ARID4A: variants seen among roughly 807,000 people sequenced by gnomAD.
The protein encoded by ARID4A is AT-rich interactive domain-containing protein 4A.
A neutral mutation model predicts 148.6 loss-of-function variants in ARID4A; 39 were observed. That is an observed-to-expected ratio of 0.26 (90% CI 0.20 to 0.34). The LOEUF (loss-of-function observed/expected upper bound fraction) is 0.34. Among genes scored for constraint, ARID4A ranks in the 10% least tolerant of loss-of-function variants. The pLI is 1.00. For synonymous variants in ARID4A, 475 were observed against 481.2 expected, an observed-to-expected ratio of 0.99 and a Z score of 0.17; for missense variants, 1,265 against 1,449.1, an observed-to-expected ratio of 0.87 and a Z score of 2.06.
chr14:58,338,188 C>T (rs118034159), intron 11 of ARID4A, among the ~76,000 whole-genome samples: 2,488 of 152,112 alleles, frequency 0.016, 31 homozygotes, highest in Middle Eastern at 0.027. Flanking sequence ...TTTAAAAATT[C>T]AACAGATGTC....
At chr14:58,301,300 A>G (rs1284610703) in intron 2 of ARID4A, among the ~76,000 whole-genome samples, 2 of 151,518 alleles carry the variant, frequency 1.3e-5, no homozygotes, top group African/African-American at 4.9e-5. Flanking sequence ...TGCTTATATA[A>G]TAGTAGAATT....
intron 11 of ARID4A, among the ~76,000 whole-genome samples, chr14:58,332,078 A>C (rs1437923673): frequency 6.7e-6 from 1 of 149,788 alleles, no homozygotes; most frequent in Non-Finnish European, 1.5e-5. Context: ...GGAGATTATA[A>C]AATAGTAAAT....
intron 23 of ARID4A, among the ~76,000 whole-genome samples, chr14:58,369,487 A>C (rs756821259): frequency 6.6e-6 from 1 of 151,936 alleles, no homozygotes; most frequent in Non-Finnish European, 1.5e-5. Flanking sequence ...TCAGCTGCGC[A>C]TGGTGGCAGA....
intron 19 of ARID4A, among the ~76,000 whole-genome samples, chr14:58,361,450 GTC>G (rs1308466764): frequency 2.0e-5 from 3 of 152,176 alleles, no homozygotes; most frequent in African/African-American, 7.2e-5. Context: ...CATGTGAACA[GTC>G]TGTGATTGTT....
chr14:58,360,165 A>G (rs2140260912), intron 18 of ARID4A, among the ~76,000 whole-genome samples: 1 of 152,330 alleles, frequency 6.6e-6, no homozygotes, highest in Middle Eastern at 3.4e-3. Context: ...TGTTTCAGCA[A>G]AGGTGAAAAC....
chr14:58,299,764 T>C lies in ARID4A; in HGVS notation c.-57-34T>C, dbSNP rs917705608. 6.3e-6 allele frequency: 10 copies of C among 1,577,282 alleles called. No individual in the cohort carries two copies. The African/African-American group carries it at 9.4e-5, about 15-fold the overall frequency. ...TTGGTCGCTCCCCGCAGTTGACTGATTATGTCTGTGCCTGTCTTTCCCCCT... is the reference window on the plus strand; with the variant it reads ...TTGGTCGCTCCCCGCAGTTGACTGACTATGTCTGTGCCTGTCTTTCCCCCT... On this transcript the variant is annotated intron_variant, in intron 1 of 23. Transcript: ENST00000355431.
At chr14:58,366,367 A>G in intron 22 of ARID4A, 137 bp downstream of exon 22, 1 of 709,780 alleles carries the variant, frequency 1.4e-6, no homozygotes, top group Non-Finnish European at 2.3e-6. Flanking sequence ...CCTTAGCAAG[A>G]ATCACCACAT....
chr14:58,366,496 C>T (rs1168406680), intron 22 of ARID4A, among the ~76,000 whole-genome samples: 1 of 152,006 alleles, frequency 6.6e-6, no homozygotes, highest in Non-Finnish European at 1.5e-5. Flanking sequence ...AATTGAAGTG[C>T]CCTTTGTAGC....
intron 11 of ARID4A, 120 bp downstream of exon 11, chr14:58,330,289 A>C (rs776555190): frequency 7.2e-7 from 1 of 1,390,254 alleles, no homozygotes; most frequent in Non-Finnish European, 9.6e-7. Flanking sequence ...CGTTTCTAGC[A>C]TTGCTTAATT....
chr14:58,347,260 AT>A (rs1427661120), intron 14 of ARID4A, 143 bp downstream of exon 14: 44 of 483,794 alleles, frequency 9.1e-5, no homozygotes, highest in African/African-American at 8.2e-4. Context: ...GATACTTGTG[AT>A]TGAAAGTTAT....
chr14:58,330,470 G>GT (rs2033461391), intron 11 of ARID4A, among the ~76,000 whole-genome samples: 1 of 152,050 alleles, frequency 6.6e-6, no homozygotes, highest in Non-Finnish European at 1.5e-5. Context: ...TAATTTTTAG[G>GT]TATTTTATAT....
chr14:58,341,382 C>G (rs1001808726), intron 11 of ARID4A, among the ~76,000 whole-genome samples: 2 of 152,210 alleles, frequency 1.3e-5, no homozygotes, highest in African/African-American at 4.8e-5. Context: ...CGCTGTTTGC[C>G]CATTTGCTGT....
intron 16 of ARID4A, 146 bp downstream of exon 16, chr14:58,351,469 A>G: frequency 9.2e-7 from 1 of 1,083,202 alleles, no homozygotes; most frequent in East Asian, 2.4e-5. Context: ...CACATTGTGA[A>G]GATGATGTGT....
intron 11 of ARID4A, among the ~76,000 whole-genome samples, chr14:58,342,520 CTTGTA>C (rs1459980588): frequency 6.6e-6 from 1 of 152,076 alleles, no homozygotes; most frequent in Admixed American, 6.5e-5. Context: ...ATTTTGTTTA[CTTGTA>C]TTGGGGAGCA....
At position 58,303,155 on chromosome 14, in the gene ARID4A, A is replaced by T. The variant is rs562125704; in HGVS notation, c.117+1465A>T. ...TATAGTTAATGAAGTCCTCCTTAAA[A>T]AATTTTATTTAAGTTGATGAATAAT... is the stretch of plus-strand genomic sequence containing the variant. On this transcript the variant is annotated intron_variant, in intron 3 of 23. Coordinates refer to ENST00000355431, the MANE Select transcript of ARID4A (RefSeq NM_002892.4). 9.2e-5 allele frequency among the ~76,000 whole-genome samples: 14 copies of T among 152,326 alleles called. No homozygotes were observed. In the East Asian group the frequency reaches 2.7e-3, roughly 29 times the overall value.
intron 17 of ARID4A, among the ~76,000 whole-genome samples, chr14:58,357,208 G>A (rs2034913224): frequency 6.6e-6 from 1 of 152,184 alleles, no homozygotes; most frequent in Non-Finnish European, 1.5e-5. Context: ...TAATATGAGT[G>A]TTCTGAGCAT....
At chr14:58,309,527 A>G (rs1293353576) in intron 5 of ARID4A, among the ~76,000 whole-genome samples, 1 of 152,212 alleles carries the variant, frequency 6.6e-6, no homozygotes, top group African/African-American at 2.4e-5. Context: ...ATCTCTAGTT[A>G]TGTTTTTTAA....
Position 58,299,800 on chromosome 14 carries a change from C to A in ARID4A, c.-55C>A. The A allele has an allele frequency of 1.2e-6, 2 of 1,613,682 alleles. No homozygotes were observed. Among genetic ancestry groups the A allele is most frequent in the Non-Finnish European group, 1.7e-6 (2 of 1,179,632 alleles). On this transcript the variant is annotated splice_region_variant and 5_prime_UTR_variant, in exon 2 of 24. Transcript: ENST00000355431. ...CCTGTCTTTCCCCCTCCCCATAGTT[C>A]TAGCGACTGCGAAGATAGCTCGCTG...
intron 11 of ARID4A, chr14:58,331,557 C>A (rs2033521266): frequency 6.6e-6 from 1 of 151,874 alleles, no homozygotes; most frequent in African/African-American, 2.4e-5. Context: ...ATTTTGATTG[C>A]CAAAAACGGG....
Sources: allele counts gnomAD v4.1 joint callset (sites outside exome capture counted in the v4.1 genomes callset), GRCh38; gene constraint gnomAD v4.1.1; transcripts MANE v1.5; gene names NCBI Gene and HGNC (gene_info 2026-07-23, HGNC 2026-07-21).